The following BEND5 variants were observed in gnomAD, a reference collection of about 807,000 sequenced individuals.
BEND5 encodes BEN domain-containing protein 5.
Under a neutral mutation model 43.9 loss-of-function variants are expected in BEND5, and 22 were observed. The observed-to-expected ratio is 0.50, with a 90% confidence interval of 0.36 to 0.72. BEND5 has a LOEUF of 0.72. BEND5 is among the 30% of genes least tolerant of loss of function. BEND5 has a pLI of 0.00. For missense variants in BEND5, 428 were observed against 550.6 expected, an observed-to-expected ratio of 0.78 and a Z score of 2.23; for synonymous variants, 228 against 225.9, an observed-to-expected ratio of 1.01 and a Z score of -0.08.
Position 48,742,090 on chromosome 1 carries a change from C to CT in BEND5, c.894+532dup, listed in dbSNP as rs1246283528. ...AGGTCCTAGGACTGTGCGCTAACCA[C>CT]TGCTGCATACACAGCTTGAAGGAGG... On this transcript the variant is annotated intron_variant, in intron 4 of 5. Coordinates refer to ENST00000371833, the MANE Select transcript of BEND5 (RefSeq NM_024603.4). Among the ~76,000 whole-genome samples the CT allele has an allele frequency of 2.6e-5, 4 of 152,374 alleles. No individual in the cohort carries two copies. The East Asian group carries it at 7.7e-4, about 29-fold the overall frequency.
At chr1:48,755,496 G>A (rs1191778064) in intron 3 of BEND5, among the ~76,000 whole-genome samples, 1 of 152,222 alleles carries the variant, frequency 6.6e-6, no homozygotes, top group African/African-American at 2.4e-5. Context: ...GCCTCCAGGA[G>A]CAACACTCAA....
chr1:48,727,550 G>T lies in BEND5; in HGVS notation c.*336C>A. 1 of 167,556 alleles carries T rather than the reference G, an allele frequency of 6.0e-6. No homozygotes were observed. The highest frequency in any genetic ancestry group is 1.3e-5 in the Non-Finnish European group (1 of 78,168). The allele number at this position is 167,556 out of a possible 1,614,324, so 10.4% of individuals were successfully genotyped here. A position where few individuals can be genotyped will look rare whatever the true frequency, so the allele number is the denominator to read the frequency against. ...AAAGAATTAATGAAAATTTATTATA[G>T]AACAAAATAGAGCAACAAAGAAGTC... On this transcript the variant is annotated 3_prime_UTR_variant, in exon 6 of 6. Coordinates refer to ENST00000371833, the MANE Select transcript of BEND5 (RefSeq NM_024603.4).
rs1648989514 is a variant in BEND5 at position 48,736,055 on chromosome 1, T to C, written c.1108+184A>G. On this transcript the variant is annotated intron_variant, in intron 5 of 5. Coordinates refer to ENST00000371833, the MANE Select transcript of BEND5 (RefSeq NM_024603.4). The surrounding 1 kb of genome is among the most constrained non-coding windows in gnomAD (Gnocchi z 4.0). The stretch of plus-strand genomic sequence containing the variant: ...TAATCGTACTTGTGTCCACAGCTCA[T>C]CTGCCCTGGTAAATGTGAGCTCTTC... Among the ~76,000 whole-genome samples the C allele has an allele frequency of 1.3e-5, 2 of 152,238 alleles. No homozygotes were observed. Among genetic ancestry groups the C allele is most frequent in the African/African-American group, 2.4e-5 (1 of 41,468 alleles).
chr1:48,744,044 T>G, intron 3 of BEND5, among the ~76,000 whole-genome samples: 1 of 152,204 alleles, frequency 6.6e-6, no homozygotes, highest in East Asian at 1.9e-4. Context: ...TGGTAGAGAT[T>G]TCAGGTCCCA....
chr1:48,775,241 G>C (rs1645019476), intron 1 of BEND5, among the ~76,000 whole-genome samples: 1 of 152,148 alleles, frequency 6.6e-6, no homozygotes, highest in South Asian at 2.1e-4. Context: ...GATAGAGCCT[G>C]TCAAAAAGGG....
intron 3 of BEND5, among the ~76,000 whole-genome samples, chr1:48,748,573 T>C (rs1216733218): frequency 6.6e-6 from 1 of 152,080 alleles, no homozygotes; most frequent in Non-Finnish European, 1.5e-5. Flanking sequence ...ACTTCTGTGT[T>C]GGGGCTTGGA....
At chr1:48,761,644 T>C (rs1389877367) in intron 1 of BEND5, among the ~76,000 whole-genome samples, 174 bp from the exon 2 acceptor site, 5 of 152,226 alleles carry the variant, frequency 3.3e-5, no homozygotes, top group Admixed American at 6.5e-5. Context: ...CTAATAGCAG[T>C]GCAGATCTAG....
intron 3 of BEND5, among the ~76,000 whole-genome samples, chr1:48,743,259 G>C (rs1279653148): frequency 1.3e-5 from 2 of 152,122 alleles, no homozygotes; most frequent in African/African-American, 2.4e-5. Context: ...ATCTAGACTG[G>C]AGCATTTGAA....
chr1:48,741,540 G>A lies in BEND5; in HGVS notation c.894+1083C>T, dbSNP rs539998694. 9.2e-5 allele frequency among the ~76,000 whole-genome samples: 14 copies of A among 152,336 alleles called. 1 individual carries two copies. The South Asian group carries it at 2.3e-3, about 25-fold the overall frequency. On this transcript the variant is annotated intron_variant, in intron 4 of 5. Coordinates refer to ENST00000371833, the MANE Select transcript of BEND5 (RefSeq NM_024603.4). ...GCTTTGCCTCTGCAGGGGAGGAGGC[G>A]CTCAGTGGGAGATGCAGGGAACGAC...
chr1:48,736,701 A>G lies in BEND5; in HGVS notation c.895-249T>C, dbSNP rs1420311016. Among the ~76,000 whole-genome samples, 1 of 152,196 alleles carries G rather than the reference A, an allele frequency of 6.6e-6. No individual in the cohort carries two copies. The highest frequency in any genetic ancestry group is 2.4e-5 in the African/African-American group (1 of 41,448). On this transcript the variant is annotated intron_variant, in intron 4 of 5. Coordinates refer to ENST00000371833, the MANE Select transcript of BEND5 (RefSeq NM_024603.4). The surrounding 1 kb of genome is among the most constrained non-coding windows in gnomAD (Gnocchi z 4.0). The stretch of plus-strand genomic sequence containing the variant: ...GGCAATTGTGGATAGAAGGCATTAT[A>G]ACACCATTTTCCTTTCAGATGGAAA...
At chr1:48,755,080 A>T (rs1198568915) in intron 3 of BEND5, among the ~76,000 whole-genome samples, 1 of 152,210 alleles carries the variant, frequency 6.6e-6, no homozygotes, top group Non-Finnish European at 1.5e-5. Context: ...TAAATGTACA[A>T]ATGAAGACGT....
intron 5 of BEND5, among the ~76,000 whole-genome samples, chr1:48,735,137 C>A (rs980676998): frequency 6.6e-6 from 1 of 152,152 alleles, no homozygotes; most frequent in Non-Finnish European, 1.5e-5. Context: ...TAAAAGAGAA[C>A]CATTTAACAA....
chr1:48,768,628 A>G (rs1378601212), intron 1 of BEND5, among the ~76,000 whole-genome samples: 2 of 152,194 alleles, frequency 1.3e-5, no homozygotes, highest in Non-Finnish European at 2.9e-5. Context: ...AATGGGAGAA[A>G]TTTTGTCTTA....
At chr1:48,762,240 A>G (rs1318985143) in intron 1 of BEND5, among the ~76,000 whole-genome samples, 1 of 152,216 alleles carries the variant, frequency 6.6e-6, no homozygotes, top group Non-Finnish European at 1.5e-5. Flanking sequence ...ACTGAATGTA[A>G]AGTGCTACAC....
At chr1:48,761,162 GC>G in intron 2 of BEND5, 174 bp downstream of exon 2, 1 of 679,324 alleles carries the variant, frequency 1.5e-6, no homozygotes. Flanking sequence ...TAGAAAGTTG[GC>G]CAGCAAGGCA....
intron 4 of BEND5, among the ~76,000 whole-genome samples, chr1:48,737,696 A>C: frequency 6.6e-6 from 1 of 152,222 alleles, no homozygotes. Context: ...ATAAGATTTT[A>C]ATTTGTTCTC....
intron 1 of BEND5, among the ~76,000 whole-genome samples, chr1:48,772,996 T>C (rs1319484688): frequency 1.8e-4 from 28 of 152,076 alleles, no homozygotes; most frequent in Admixed American, 1.8e-3. Context: ...AAATCCTACA[T>C]AGCAGGACAT....
At chr1:48,750,349 A>G (rs1437518943) in intron 3 of BEND5, among the ~76,000 whole-genome samples, 1 of 152,170 alleles carries the variant, frequency 6.6e-6, no homozygotes, top group African/African-American at 2.4e-5. Context: ...GTGCCGTCCA[A>G]CCAGAACTAC....
chr1:48,760,527 C>T (rs536600684), intron 2 of BEND5, among the ~76,000 whole-genome samples: 6 of 151,718 alleles, frequency 4.0e-5, no homozygotes, highest in African/African-American at 1.5e-4. Flanking sequence ...CTAAAGTGAT[C>T]GTTACAATAT....
Sources: allele counts gnomAD v4.1 joint callset (sites outside exome capture counted in the v4.1 genomes callset), GRCh38; gene constraint gnomAD v4.1.1; non-coding constraint Gnocchi (gnomAD v3.1); transcripts MANE v1.5; gene names NCBI Gene and HGNC (gene_info 2026-07-23, HGNC 2026-07-21).